Variants in SASH1 observed in about 807,000 individuals in gnomAD.
The protein encoded by SASH1 is SAM and SH3 domain containing 1, also known as SAM and SH3 domain-containing protein 1.
Under a neutral mutation model 125.2 loss-of-function variants are expected in SASH1, and 44 were observed. The ratio of observed to expected loss-of-function variants is 0.35; its 90% CI spans 0.28 to 0.45. The LOEUF is 0.45. Among genes scored for constraint, SASH1 ranks in the 20% least tolerant of loss-of-function variants. SASH1 has a pLI of 1.00. For missense variants in SASH1, 1,426 were observed against 1,614.5 expected (o/e 0.88, Z 2.00); for synonymous variants, 639 against 649.1 (o/e 0.98, Z 0.24).
At chr6:148,317,527 C>T (rs772300108) in intron 1 of SASH1, among the ~76,000 whole-genome samples, 2 of 152,228 alleles carry the variant, frequency 1.3e-5, no homozygotes, top group African/African-American at 2.4e-5. Context: ...TGGGCTCAAG[C>T]GATTCTCCTG....
Position 148,544,079 on chromosome 6 carries a change from A to G in SASH1, c.2609A>G (p.Gln870Arg), listed in dbSNP as rs759581821. Residue 870 changes from glutamine to arginine, a missense_variant, in exon 18 of 20, where the codon CAG (glutamine) becomes CGG (arginine). By Grantham distance (43) the Gln-to-Arg change is conservative (BLOSUM62 1). This residue lies in a region of SASH1 where 634 missense variants were observed against 694.4 expected (regional missense o/e 0.91). Coordinates refer to ENST00000367467, the MANE Select transcript of SASH1 (RefSeq NM_015278.5). The surrounding 1 kb of genome is among the most constrained non-coding windows in gnomAD (Gnocchi z 6.4). ...CCTCAGATTGTACCTGAAGTGCCAC[A>G]GAAGACGACCGCCTCTTCCACGAAG... ...PPPQIVPEVP[Q>R]KTTASSTKAQ... 6.2e-7 allele frequency: 1 copy of G among 1,614,122 alleles called. No individual in the cohort carries two copies. The highest frequency in any genetic ancestry group is 2.2e-5 in the East Asian group (1 of 44,876).
chr6:148,313,116 C>A (rs1323319318), intron 1 of SASH1, among the ~76,000 whole-genome samples: 1 of 152,120 alleles, frequency 6.6e-6, no homozygotes, highest in African/African-American at 2.4e-5. Flanking sequence ...CAAACTTGGG[C>A]ACAGATATTG....
chr6:148,480,722 C>G (rs1489613887), intron 7 of SASH1: 3 of 152,964 alleles, frequency 2.0e-5, no homozygotes, highest in Non-Finnish European at 4.4e-5. Flanking sequence ...TCATCACACC[C>G]CTAAAAACCC....
rs1392267889 is a variant in SASH1, at chr6:148,460,313, T to C, written c.387-8232T>C. Reference sequence around the variant, plus strand: ...TGATGGCAGTTGTAAATCAAAGATATACAAAGAGGGTGGGGTAGAAAAATT... The same window carrying C: ...TGATGGCAGTTGTAAATCAAAGATACACAAAGAGGGTGGGGTAGAAAAATT... On this transcript the variant is annotated intron_variant, in intron 4 of 19. Transcript: ENST00000367467. Among the ~76,000 whole-genome samples the C allele has an allele frequency of 2.0e-5, 3 of 152,156 alleles. No individual in the cohort carries two copies. The East Asian group carries it at 5.8e-4, about 29-fold the overall frequency.
At chr6:148,275,788 C>G (rs1339743107) in intron 1 of SASH1, among the ~76,000 whole-genome samples, 1 of 152,212 alleles carries the variant, frequency 6.6e-6, no homozygotes, top group African/African-American at 2.4e-5. Flanking sequence ...GTGGCATGAT[C>G]ATGGCCCATG....
intron 1 of SASH1, among the ~76,000 whole-genome samples, chr6:148,368,778 A>G (rs1378450178): frequency 1.4e-5 from 2 of 145,560 alleles, no homozygotes; most frequent in South Asian, 2.4e-4. Flanking sequence ...GCGCACACAC[A>G]CACACACACA....
chr6:148,262,104 A>C, the SASH1 span, among the ~76,000 whole-genome samples: 1 of 150,228 alleles, frequency 6.7e-6, no homozygotes, highest in Non-Finnish European at 1.5e-5. Flanking sequence ...GCACACATAC[A>C]CACACACACA....
At position 148,544,608 on chromosome 6, in the gene SASH1, G is replaced by T; in HGVS notation, c.3138G>T (p.Gly1046=). The part of the protein sequence containing the change: ...PPALAPRPLS[G]QAPGSPPSTR... ...CACTGGCTCCCAGGCCTCTCTCAGG[G>T]CAGGCGCCTGGCAGCCCACCAAGCA... The change falls in exon 18 of 20, where the codon GGG becomes GGT. Residue 1046 remains glycine, a synonymous_variant. Transcript: ENST00000367467. This position sits in a 1 kb window ranked among gnomAD's most constrained non-coding sequence, Gnocchi z 6.4. 6.2e-7 allele frequency: 1 copy of T among 1,613,196 alleles called. No individual in the cohort carries two copies. Among genetic ancestry groups the T allele is most frequent in the Non-Finnish European group, 8.5e-7 (1 of 1,179,868 alleles).
chr6:148,357,886 C>A lies in SASH1; in HGVS notation c.156+14663C>A, dbSNP rs144062005. On this transcript the variant is annotated intron_variant, in intron 1 of 19. Transcript: ENST00000367467. Reference sequence around the variant, plus strand: ...ACCAACCTGACCAATATGATGAAACCCCGTCTCTACTAAAAATACAAAAAT... The same window carrying A: ...ACCAACCTGACCAATATGATGAAACACCGTCTCTACTAAAAATACAAAAAT... Among the ~76,000 whole-genome samples, 1,320 of 151,708 alleles carry A rather than the reference C, an allele frequency of 8.7e-3. 17 individuals are homozygous for A. The highest frequency in any genetic ancestry group is 0.03 in the African/African-American group (1,220 of 41,348).
At position 148,546,166 on chromosome 6, in the gene SASH1, C is replaced by A; in HGVS notation, c.3480+20C>A. The A allele has an allele frequency of 6.2e-7, 1 of 1,610,604 alleles. No individual in the cohort carries two copies. The highest frequency in any genetic ancestry group is 1.3e-5 in the African/African-American group (1 of 74,928). On this transcript the variant is annotated intron_variant, in intron 19 of 19. Transcript: ENST00000367467. ...ATGGCGGTGAGCAGCCCACAGTTCT[C>A]CAGCTTCCTGAGGCACATTTAGTGA...
At chr6:148,528,265 C>T (rs73015046) in intron 12 of SASH1, among the ~76,000 whole-genome samples, 8,024 of 152,202 alleles carry the variant, frequency 0.053, 294 homozygotes, top group South Asian at 0.099. Context: ...AGTTGGAGAG[C>T]TGGGCCTCAA....
the SASH1 span, among the ~76,000 whole-genome samples, chr6:148,220,784 C>A: frequency 6.6e-6 from 1 of 152,098 alleles, no homozygotes; most frequent in African/African-American, 2.4e-5. Flanking sequence ...CATGGTGGCA[C>A]GCGCCTGTAG....
the SASH1 span, among the ~76,000 whole-genome samples, chr6:148,223,583 C>A: frequency 1.3e-5 from 2 of 152,070 alleles, no homozygotes; most frequent in Admixed American, 1.3e-4. Context: ...CTCATGTAAC[C>A]CACCCATTTT....
intron 2 of SASH1, among the ~76,000 whole-genome samples, chr6:148,396,233 C>T (rs1348744419): frequency 6.6e-6 from 1 of 152,076 alleles, no homozygotes; most frequent in Non-Finnish European, 1.5e-5. Context: ...AATCCCAGCA[C>T]TTTGGGAGGC....
At chr6:148,440,134 C>G in intron 2 of SASH1, 50 bp from the exon 3 acceptor site, 1 of 1,559,966 alleles carries the variant, frequency 6.4e-7, no homozygotes, top group Non-Finnish European at 8.8e-7. Flanking sequence ...GTCTTTCTCG[C>G]GTGTGACATG....
chr6:148,277,951 G>C (rs918126115), intron 1 of SASH1, among the ~76,000 whole-genome samples: 6 of 151,820 alleles, frequency 4.0e-5, no homozygotes, highest in Non-Finnish European at 8.8e-5. Flanking sequence ...TCCTGACCTC[G>C]TGATTCGCCT....
intron 1 of SASH1, among the ~76,000 whole-genome samples, chr6:148,326,693 C>T (rs577446799): frequency 5.3e-5 from 8 of 152,110 alleles, no homozygotes; most frequent in Admixed American, 1.3e-4. Context: ...TGAGCCACCT[C>T]GCCTGGCCGC....
chr6:148,388,903 G>T (rs1008105614), intron 1 of SASH1, among the ~76,000 whole-genome samples: 7 of 151,632 alleles, frequency 4.6e-5, no homozygotes, highest in Non-Finnish European at 7.4e-5. Flanking sequence ...TATTTTCCTT[G>T]GTTGTCTTGG....
chr6:148,517,145 T>A (rs545456686), intron 9 of SASH1, among the ~76,000 whole-genome samples: 2 of 152,318 alleles, frequency 1.3e-5, no homozygotes, highest in East Asian at 3.9e-4. Flanking sequence ...TTTATGAGGA[T>A]AATGTTTACT....
Sources: gnomAD v4.1 joint callset for allele counts (sites outside exome capture counted in the v4.1 genomes callset) on GRCh38, gnomAD v4.1.1 for gene constraint, gnomAD v4.1.1 regional missense constraint, Gnocchi (gnomAD v3.1) non-coding constraint, MANE v1.5 for transcripts, NCBI Gene and HGNC (gene_info 2026-07-23, HGNC 2026-07-21) for gene names.